The following PDE7B variants were observed in gnomAD, a reference collection of about 807,000 sequenced individuals.
PDE7B encodes the protein 3',5'-cyclic-AMP phosphodiesterase 7B.
A neutral mutation model predicts 56.2 loss-of-function variants in PDE7B; 29 were observed. The observed-to-expected ratio is 0.52, with a 90% CI of 0.38 to 0.70. PDE7B has a LOEUF of 0.70. Ranked by LOEUF, PDE7B falls within the 30% of genes least tolerant of loss-of-function variation. The probability of loss-of-function intolerance (pLI) is 0.00; values close to 1 mark genes in which losing one functional copy is unlikely to be tolerated. For synonymous variants in PDE7B, 197 were observed against 196.9 expected (o/e 1.00, Z 0.00); for missense variants, 490 against 565.0 (o/e 0.87, Z 1.35).
intron 2 of PDE7B, among the ~76,000 whole-genome samples, chr6:136,068,720 C>T (rs992611796): frequency 2.0e-5 from 3 of 152,066 alleles, no homozygotes; most frequent in Non-Finnish European, 2.9e-5. Flanking sequence ...CGTGAGCCAC[C>T]GTGCCCGGCC....
Position 136,151,215 on chromosome 6 carries a change from C to G in PDE7B, c.438C>G (p.His146Gln). ...TCTTCAATACCCATGGACTCATTCACCATTTCAAGTTAGATATGGTGACCT... is the reference window on the plus strand; with the variant it reads ...TCTTCAATACCCATGGACTCATTCAGCATTTCAAGTTAGATATGGTGACCT... ...CHLFNTHGLI[H>Q]HFKLDMVTLH... The change falls in exon 6 of 13, where the codon CAC (histidine) becomes CAG (glutamine). Residue 146 changes from histidine (H) to glutamine (Q), a missense_variant. His to Gln is a conservative substitution (Grantham distance 24). Transcript: ENST00000308191. 1 of 1,611,012 alleles carries G rather than the reference C, an allele frequency of 6.2e-7. No individual in the cohort carries two copies. The highest frequency in any genetic ancestry group is 2.2e-5 in the East Asian group (1 of 44,836).
chr6:135,918,937 C>T (rs1038040747), intron 1 of PDE7B, among the ~76,000 whole-genome samples: 13 of 152,094 alleles, frequency 8.5e-5, no homozygotes, highest in South Asian at 8.3e-4. Context: ...GTGTTTATTT[C>T]CTCTGCGGTA....
rs1554267454 is a variant in PDE7B at position 135,928,471 on chromosome 6, A to ATT, written c.22-18992_22-18991insTT. On this transcript the variant is annotated intron_variant, in intron 1 of 12. Transcript: ENST00000308191. ...TATTTATTTATATATATATTTATTT[A>ATT]TATATATATATTTATTTATATATAT... 6.9e-3 allele frequency among the ~76,000 whole-genome samples: 468 copies of ATT among 67,828 alleles called. 5 individuals are homozygous for ATT. The highest frequency in any genetic ancestry group is 0.022 in the African/African-American group (377 of 17,148). The allele number at this position is 67,828 out of a possible 152,430, so 44.5% of individuals were successfully genotyped here. A position where few individuals can be genotyped will look rare whatever the true frequency, so the allele number is the denominator to read the frequency against.
intron 2 of PDE7B, among the ~76,000 whole-genome samples, chr6:136,020,211 T>C (rs1016458082): frequency 6.6e-6 from 1 of 152,182 alleles, no homozygotes; most frequent in African/African-American, 2.4e-5. Context: ...GTGTGGATAG[T>C]TGTTCAAATG....
chr6:136,012,601 G>A (rs1458337220), intron 2 of PDE7B: 1 of 152,352 alleles, frequency 6.6e-6, no homozygotes, highest in South Asian at 2.1e-4. Context: ...GCAGGAGAAA[G>A]AGTGAGCAGG....
At chr6:136,034,182 T>C (rs1455029816) in intron 2 of PDE7B, 1 of 152,208 alleles carries the variant, frequency 6.6e-6, no homozygotes. Flanking sequence ...GTTAGAAATA[T>C]TTAACATTAT....
At chr6:135,938,184 A>G (rs1197184979) in intron 1 of PDE7B, among the ~76,000 whole-genome samples, 1 of 152,062 alleles carries the variant, frequency 6.6e-6, no homozygotes, top group Non-Finnish European at 1.5e-5. Flanking sequence ...TTTTTGTTCT[A>G]TATTGCCTCC....
chr6:136,156,684 T>TA (rs1381160888), intron 8 of PDE7B, among the ~76,000 whole-genome samples: 1 of 152,210 alleles, frequency 6.6e-6, no homozygotes, highest in Non-Finnish European at 1.5e-5. Flanking sequence ...CAATATCACA[T>TA]AGTACCATAC....
At chr6:136,156,092 C>T (rs1464924045) in intron 8 of PDE7B, 1 of 387,978 alleles carries the variant, frequency 2.6e-6, no homozygotes, top group South Asian at 2.1e-5. Flanking sequence ...TTTTTCTTTT[C>T]CCATCAGTAA....
At chr6:135,978,765 A>AG (rs1207925087) in intron 2 of PDE7B, among the ~76,000 whole-genome samples, 1 of 152,128 alleles carries the variant, frequency 6.6e-6, no homozygotes, top group Non-Finnish European at 1.5e-5. Flanking sequence ...TATCAGCTTA[A>AG]GGAGATTTTG....
intron 8 of PDE7B, chr6:136,162,484 G>T (rs745363543): frequency 3.3e-5 from 5 of 152,118 alleles, no homozygotes; most frequent in Non-Finnish European, 7.3e-5. Context: ...CACATGTAGG[G>T]CTTATGGGAA....
intron 9 of PDE7B, 92 bp downstream of exon 9, chr6:136,173,980 G>A (rs1778935351): frequency 4.7e-6 from 4 of 847,904 alleles, no homozygotes; most frequent in Admixed American, 3.6e-5. Flanking sequence ...TGCGTGAATG[G>A]CAGAGAGCCC....
chr6:136,098,494 G>A (rs13217533), intron 2 of PDE7B, among the ~76,000 whole-genome samples: 95 of 152,244 alleles, frequency 6.2e-4, no homozygotes, highest in Non-Finnish European at 1.2e-3. Flanking sequence ...AACAGTAAAT[G>A]ATTTTCTTTC....
intron 2 of PDE7B, among the ~76,000 whole-genome samples, chr6:136,092,597 C>T (rs1777406930): frequency 6.6e-6 from 1 of 152,164 alleles, no homozygotes; most frequent in African/African-American, 2.4e-5. Flanking sequence ...CACAACTCTA[C>T]CAAAAACACA....
At chr6:135,895,108 T>G (rs561787783) in intron 1 of PDE7B, among the ~76,000 whole-genome samples, 2 of 151,918 alleles carry the variant, frequency 1.3e-5, no homozygotes, top group African/African-American at 4.8e-5. Flanking sequence ...GTTTGTCCAA[T>G]AAAGATAATC....
rs372028511 is a variant in PDE7B at position 136,156,272 on chromosome 6, C to G, written c.711+514C>G. ...TAGTGCAATCATAGCTCACTGCAGCCTGGAATTCCTGAGCTCAAACAATCC... is the reference window on the plus strand; with the variant it reads ...TAGTGCAATCATAGCTCACTGCAGCGTGGAATTCCTGAGCTCAAACAATCC... On this transcript the variant is annotated intron_variant, in intron 8 of 12. Coordinates refer to ENST00000308191, the MANE Select transcript of PDE7B (RefSeq NM_018945.4). 4.9e-4 allele frequency among the ~76,000 whole-genome samples: 74 copies of G among 151,736 alleles called. 2 individuals are homozygous for G. The highest frequency in any genetic ancestry group is 1.7e-3 in the African/African-American group (70 of 41,376).
At chr6:136,106,276 AT>A (rs1777644335) in intron 2 of PDE7B, among the ~76,000 whole-genome samples, 1 of 152,238 alleles carries the variant, frequency 6.6e-6, no homozygotes, top group Non-Finnish European at 1.5e-5. Context: ...TGAGTCTATC[AT>A]TTTAACATGC....
chr6:135,954,376 C>T (rs930121082), intron 2 of PDE7B, among the ~76,000 whole-genome samples: 1 of 152,058 alleles, frequency 6.6e-6, no homozygotes, highest in Non-Finnish European at 1.5e-5. Context: ...TGTCAAAGAT[C>T]GGTTGGCCTA....
chr6:136,064,328 G>A (rs765567309), intron 2 of PDE7B: 1 of 152,116 alleles, frequency 6.6e-6, no homozygotes, highest in Non-Finnish European at 1.5e-5. Context: ...CCAAACAGTA[G>A]GCAAAAATAA....
Sources: gnomAD v4.1 joint callset for allele counts (sites outside exome capture counted in the v4.1 genomes callset) on GRCh38, gnomAD v4.1.1 for gene constraint, MANE v1.5 for transcripts, NCBI Gene and HGNC (gene_info 2026-07-23, HGNC 2026-07-21) for gene names.